The following CADPS variants were observed in gnomAD, a reference collection of about 807,000 sequenced individuals.
CADPS encodes calcium-dependent secretion activator 1.
CADPS carries 57 observed loss-of-function variants against 167.3 expected under a neutral mutation model. The ratio of observed to expected loss-of-function variants is 0.34; its 90% CI spans 0.28 to 0.42. The LOEUF is 0.42. Among genes scored for constraint, CADPS ranks in the 20% least tolerant of loss-of-function variants. The pLI, the probability that CADPS is intolerant of heterozygous loss-of-function variation, is 1.00. For synonymous variants in CADPS, 676 were observed against 635.3 expected, an observed-to-expected ratio of 1.06 and a Z score of -0.96; for missense variants, 1,414 against 1,738.1, an observed-to-expected ratio of 0.81 and a Z score of 3.32.
chr3:62,507,615 C>T (rs1217631288), intron 17 of CADPS, among the ~76,000 whole-genome samples: 5 of 152,120 alleles, frequency 3.3e-5, no homozygotes, highest in Non-Finnish European at 7.3e-5. Context: ...AGTACCATCC[C>T]TGGATCAGCA....
chr3:62,576,520 G>A (rs991566121), intron 8 of CADPS, among the ~76,000 whole-genome samples: 2 of 151,824 alleles, frequency 1.3e-5, no homozygotes, highest in Non-Finnish European at 2.9e-5. Flanking sequence ...AGTCCTCACG[G>A]TGGCTCACAC....
In CADPS at chr3:62,458,218, T is replaced by C. The variant is rs2058929834; in HGVS notation, c.3636+7149A>G. Among the ~76,000 whole-genome samples, 1 of 152,154 alleles carries C rather than the reference T, an allele frequency of 6.6e-6. No individual in the cohort carries two copies. The highest frequency in any genetic ancestry group is 2.4e-5 in the African/African-American group (1 of 41,438). On this transcript the variant is annotated intron_variant, in intron 26 of 29. Coordinates refer to ENST00000383710, the MANE Select transcript of CADPS (RefSeq NM_003716.4). The surrounding 1 kb of genome is among the most constrained non-coding windows in gnomAD (Gnocchi z 4.6). ...ACCAGGTGTTATGAAAGGGCTACTGTTTATCTCTTATTAGCCCAGTGGCTC... is the reference window on the plus strand; with the variant it reads ...ACCAGGTGTTATGAAAGGGCTACTGCTTATCTCTTATTAGCCCAGTGGCTC...
chr3:62,757,120 G>T (rs1034445505), intron 2 of CADPS, among the ~76,000 whole-genome samples: 1 of 152,142 alleles, frequency 6.6e-6, no homozygotes. Flanking sequence ...TGGCAGTGGG[G>T]ACACTAAGGG....
In CADPS at chr3:62,532,715, CTTTGTGTG is replaced by C. The variant is rs1320392056; in HGVS notation, c.2291+148_2291+155del. Among the ~76,000 whole-genome samples the C allele has an allele frequency of 5.5e-3, 362 of 66,148 alleles. 1 individual carries two copies. The highest frequency in any genetic ancestry group is 0.021 in the Middle Eastern group (3 of 140). The allele number at this position is 66,148 out of a possible 152,430, so 43.4% of individuals were successfully genotyped here. A position where few individuals can be genotyped will look rare whatever the true frequency, so the allele number is the denominator to read the frequency against. On this transcript the variant is annotated intron_variant, in intron 13 of 29. Coordinates refer to ENST00000383710, the MANE Select transcript of CADPS (RefSeq NM_003716.4). ...TTGAAAGGAGAAGAAAGTTAGTGCC[CTTTGTGTG>C]TGTGTGTGTGTGTGTGTGTGTGTGT...
intron 1 of CADPS, among the ~76,000 whole-genome samples, chr3:62,830,745 G>C (rs1210293187): frequency 6.6e-6 from 1 of 152,112 alleles, no homozygotes; most frequent in Admixed American, 6.6e-5. Context: ...GCTGGGCCCA[G>C]ACATTTCTAA....
chr3:62,860,215 G>A (rs1376661636), intron 1 of CADPS, among the ~76,000 whole-genome samples: 3 of 152,180 alleles, frequency 2.0e-5, no homozygotes, highest in African/African-American at 7.2e-5. Flanking sequence ...TGCAAATGCA[G>A]CCTCCTCCAG....
At chr3:62,593,590 C>A (rs780292698) in intron 6 of CADPS, among the ~76,000 whole-genome samples, 64 of 152,184 alleles carry the variant, frequency 4.2e-4, no homozygotes, top group Non-Finnish European at 6.6e-4. Flanking sequence ...ACTCAGGGGG[C>A]AATCTGGACC....
rs745306343 is a variant in CADPS at position 62,507,646 on chromosome 3, CTTG to C, written c.2599+5102_2599+5104del. ...CAGCAGCTTCAGCATCACCTGGAAG[CTTG>C]TTAAGAATGCATATTCCCAGGCTCC... On this transcript the variant is annotated intron_variant, in intron 17 of 29. Transcript: ENST00000383710. 4.5e-4 allele frequency among the ~76,000 whole-genome samples: 68 copies of C among 152,246 alleles called. 1 individual carries two copies. Among genetic ancestry groups the C allele is most frequent in the Admixed American group, 8.5e-4 (13 of 15,286 alleles).
intron 8 of CADPS, among the ~76,000 whole-genome samples, chr3:62,577,832 G>A (rs833652): frequency 0.96 from 145,826 of 152,270 alleles, 70,127 homozygotes; most frequent in Non-Finnish European, 1. Context: ...CATTCTAGGC[G>A]ATTTGATCTA....
intron 3 of CADPS, among the ~76,000 whole-genome samples, chr3:62,702,951 C>A (rs1463402546): frequency 1.3e-5 from 2 of 152,046 alleles, no homozygotes; most frequent in African/African-American, 4.8e-5. Flanking sequence ...GAAGCTGAGG[C>A]ACAGAGAGGT....
rs768869284 is a variant in CADPS, at chr3:62,557,492, T to C, written c.1666A>G (p.Met556Val). Residue 556 changes from methionine to valine, a missense_variant, in exon 10 of 30, where the codon ATG (methionine) becomes GTG (valine). Met to Val is a conservative substitution (Grantham distance 21). Coordinates refer to ENST00000383710, the MANE Select transcript of CADPS (RefSeq NM_003716.4). Reference protein sequence around the residue: ...LVQVSQYTFAMCSYREKKAEP... With the variant: ...LVQVSQYTFAVCSYREKKAEP... ...GCTTTCTTCTCCCGATAACTGCACA[T>C]GGCAAACGTGTACTGACTGACCTGT... 6.2e-7 allele frequency: 1 copy of C among 1,613,838 alleles called. No individual in the cohort carries two copies. Among genetic ancestry groups the C allele is most frequent in the Non-Finnish European group, 8.5e-7 (1 of 1,179,744 alleles).
intron 10 of CADPS, among the ~76,000 whole-genome samples, chr3:62,551,798 G>A (rs996648543): frequency 3.3e-5 from 5 of 152,118 alleles, no homozygotes; most frequent in African/African-American, 7.2e-5. Flanking sequence ...TGTGCCTGGA[G>A]CACTCTTTTT....
At chr3:62,448,263 C>T (rs551281992) in intron 26 of CADPS, among the ~76,000 whole-genome samples, 1 of 152,310 alleles carries the variant, frequency 6.6e-6, no homozygotes, top group African/African-American at 2.4e-5. Flanking sequence ...TGATGCTTAG[C>T]AGTTGGTAGG....
At position 62,433,617 on chromosome 3, in the gene CADPS, C is replaced by T. The variant is rs1227526394; in HGVS notation, c.3777+4487G>A. Reference sequence around the variant, plus strand: ...GGCCTGAAGAAAGCCAGTGCGGATGCGGCATTACTACCAATGTGGATTCCA... The same window carrying T: ...GGCCTGAAGAAAGCCAGTGCGGATGTGGCATTACTACCAATGTGGATTCCA... On this transcript the variant is annotated intron_variant, in intron 28 of 29. Transcript: ENST00000383710. The surrounding 1 kb of genome is among the most constrained non-coding windows in gnomAD (Gnocchi z 4.7). 2.0e-5 allele frequency among the ~76,000 whole-genome samples: 3 copies of T among 152,146 alleles called. No individual in the cohort carries two copies. The highest frequency in any genetic ancestry group is 6.6e-5 in the Admixed American group (1 of 15,266).
chr3:62,680,938 C>T (rs995578178), intron 3 of CADPS, among the ~76,000 whole-genome samples: 2 of 151,960 alleles, frequency 1.3e-5, no homozygotes, highest in African/African-American at 4.8e-5. Context: ...ATGATGAGGA[C>T]ATATCCTGGT....
intron 1 of CADPS, among the ~76,000 whole-genome samples, chr3:62,792,255 T>A (rs544418448): frequency 6.6e-6 from 1 of 151,776 alleles, no homozygotes; most frequent in Non-Finnish European, 1.5e-5. Flanking sequence ...TGGAGTGCAA[T>A]GGTGTGATCA....
Position 62,412,269 on chromosome 3 carries a change from G to A in CADPS, c.3778-9084C>T, listed in dbSNP as rs1337721786. Reference sequence around the variant, plus strand: ...GATGGCCGGGTCCTAAAGTTTGGACGGCAGCTCCCTGAGGACTCACTGACG... The same window carrying A: ...GATGGCCGGGTCCTAAAGTTTGGACAGCAGCTCCCTGAGGACTCACTGACG... On this transcript the variant is annotated intron_variant, in intron 28 of 29. Transcript: ENST00000383710. This position sits in a 1 kb window ranked among gnomAD's most constrained non-coding sequence, Gnocchi z 4.1. 1.3e-5 allele frequency among the ~76,000 whole-genome samples: 2 copies of A among 151,672 alleles called. No individual in the cohort carries two copies. The highest frequency in any genetic ancestry group is 2.9e-5 in the Non-Finnish European group (2 of 67,974).
chr3:62,804,002 C>T (rs1358287387), intron 1 of CADPS, among the ~76,000 whole-genome samples: 1 of 152,006 alleles, frequency 6.6e-6, no homozygotes, highest in African/African-American at 2.4e-5. Flanking sequence ...ACGTCATTAC[C>T]TCAAAAGGAC....
chr3:62,621,269 G>A (rs2063125814), intron 6 of CADPS, among the ~76,000 whole-genome samples: 3 of 152,070 alleles, frequency 2.0e-5, no homozygotes, highest in African/African-American at 4.8e-5. Context: ...ATGGGGGAGA[G>A]GAGCAGAAAG....
Sources: gnomAD v4.1 joint callset for allele counts (sites outside exome capture counted in the v4.1 genomes callset) on GRCh38, gnomAD v4.1.1 for gene constraint, Gnocchi (gnomAD v3.1) non-coding constraint, MANE v1.5 for transcripts, NCBI Gene and HGNC (gene_info 2026-07-23, HGNC 2026-07-21) for gene names.